The following NOS1 variants were observed in gnomAD, a reference collection of about 807,000 sequenced individuals.
NOS1 encodes the protein nitric oxide synthase 1, also known as NOS type I.
A neutral mutation model predicts 164.5 loss-of-function variants in NOS1; 51 were observed. That is an observed-to-expected ratio of 0.31 (90% confidence interval 0.25 to 0.39). The LOEUF is 0.39. Ranked by LOEUF, NOS1 falls within the 10% of genes least tolerant of loss-of-function variation. The pLI, the probability that NOS1 is intolerant of heterozygous loss-of-function variation, is 1.00. For synonymous variants in NOS1, 719 were observed against 745.8 expected (o/e 0.96, Z 0.59); for missense variants, 1,362 against 1,885.6 (o/e 0.72, Z 5.14).
chr12:117,209,819 T>C lies in NOS1; in HGVS notation c.*5490A>G. On this transcript the variant is annotated 3_prime_UTR_variant, in exon 29 of 29. Transcript: ENST00000317775. Reference sequence around the variant, plus strand: ...GCAGGGACTGGCAGTGGGCCAAGGATAGGGAGTGTGAGATAAAGGGCAGAG... The same window carrying C: ...GCAGGGACTGGCAGTGGGCCAAGGACAGGGAGTGTGAGATAAAGGGCAGAG... The C allele has an allele frequency of 1.0e-6, 1 of 985,460 alleles. No individual in the cohort carries two copies. 61.0% of individuals were successfully genotyped at this position (985,460 alleles called of 1,614,324 possible).
intron 2 of NOS1, among the ~76,000 whole-genome samples, chr12:117,325,939 G>C (rs943783644): frequency 1.3e-5 from 2 of 152,168 alleles, no homozygotes; most frequent in African/African-American, 4.8e-5. Flanking sequence ...TCATTTTATA[G>C]TTAATGGCAT....
chr12:117,270,139 G>C (rs1270863855), intron 10 of NOS1, among the ~76,000 whole-genome samples: 1 of 152,230 alleles, frequency 6.6e-6, no homozygotes. Context: ...CTGGTGTCAG[G>C]AGCAGGGAAG....
At chr12:117,285,142 G>C (rs556891815) in intron 7 of NOS1, 99 bp downstream of exon 7, 1 of 569,236 alleles carries the variant, frequency 1.8e-6, no homozygotes, top group Non-Finnish European at 3.1e-6. Flanking sequence ...CCTGAGATGA[G>C]GTGCATTTCC....
intron 17 of NOS1, among the ~76,000 whole-genome samples, chr12:117,250,735 G>C (rs1327644858): frequency 6.6e-6 from 1 of 152,112 alleles, no homozygotes; most frequent in Admixed American, 6.5e-5. Context: ...GGTGTGGACT[G>C]ACTGGAGGGG....
At position 117,215,341 on chromosome 12, in the gene NOS1, TG is replaced by T; in HGVS notation, c.4290-18del. On this transcript the variant is annotated intron_variant, in intron 28 of 28. Transcript: ENST00000317775. ...CTGAAAACCCTGTGGAAAGAGAAGTTGGGGGGCAGTTAGTGCCCCAAGGGCA... is the reference window on the plus strand; with the variant it reads ...CTGAAAACCCTGTGGAAAGAGAAGTTGGGGGCAGTTAGTGCCCCAAGGGCA... 2 of 1,528,844 alleles carry T rather than the reference TG, an allele frequency of 1.3e-6. No individual in the cohort carries two copies. Among genetic ancestry groups the T allele is most frequent in the Non-Finnish European group, 1.8e-6 (2 of 1,136,202 alleles). The allele number at this position is 1,528,844 out of a possible 1,614,324, so 94.7% of individuals were successfully genotyped here.
In NOS1 at chr12:117,209,293, G is replaced by A; in HGVS notation, c.*6016C>T. On this transcript the variant is annotated 3_prime_UTR_variant, in exon 29 of 29. Coordinates refer to ENST00000317775, the MANE Select transcript of NOS1 (RefSeq NM_000620.5). ...TTACCGTTGGCAGGACACTGCTACA[G>A]GTATCTTGTGGATGGAGGCCAGGAA... 2.1e-6 allele frequency: 2 copies of A among 958,264 alleles called. No individual in the cohort carries two copies. The highest frequency in any genetic ancestry group is 2.5e-6 in the Non-Finnish European group (2 of 805,138). 59.4% of individuals were successfully genotyped at this position (958,264 alleles called of 1,614,324 possible).
chr12:117,224,073 T>C (rs575823037), intron 25 of NOS1, among the ~76,000 whole-genome samples: 6 of 152,370 alleles, frequency 3.9e-5, no homozygotes, highest in Non-Finnish European at 7.3e-5. Context: ...AAGTACTTTA[T>C]AAATGTTAGC....
chr12:117,300,559 G>T lies in NOS1; in HGVS notation c.853-10133C>A, dbSNP rs574455795. On this transcript the variant is annotated intron_variant, in intron 3 of 28. Transcript: ENST00000317775. The stretch of plus-strand genomic sequence containing the variant: ...CAGGCGATGGCTCAGGTGGAAGGAA[G>T]GAAGATGCCTCTGGGATGGAGAGAG... Among the ~76,000 whole-genome samples, 21 of 152,270 alleles carry T rather than the reference G, an allele frequency of 1.4e-4. No homozygotes were observed. In the South Asian group the frequency reaches 4.4e-3, roughly 32 times the overall value.
chr12:117,223,974 A>C (rs541449820), intron 25 of NOS1, among the ~76,000 whole-genome samples: 5 of 152,160 alleles, frequency 3.3e-5, no homozygotes, highest in Non-Finnish European at 7.3e-5. Flanking sequence ...CAACTTTCTA[A>C]GCCTCTGCTT....
intron 2 of NOS1, among the ~76,000 whole-genome samples, chr12:117,314,725 A>G (rs1874595398): frequency 1.3e-5 from 2 of 151,520 alleles, no homozygotes; most frequent in East Asian, 2.0e-4. Context: ...TCCTGCCTCA[A>G]CCTCCCACAC....
intron 8 of NOS1, among the ~76,000 whole-genome samples, chr12:117,278,396 G>C (rs943675795): frequency 6.6e-6 from 1 of 152,194 alleles, no homozygotes; most frequent in Non-Finnish European, 1.5e-5. Context: ...ACAGGACAGA[G>C]GGCAAACCCT....
chr12:117,250,648 A>G (rs974950110), intron 17 of NOS1, among the ~76,000 whole-genome samples: 1 of 152,100 alleles, frequency 6.6e-6, no homozygotes, highest in African/African-American at 2.4e-5. Context: ...CTCTTAACCA[A>G]TGATCTTCCT....
At chr12:117,280,669 G>GGTAAAAT (rs2136010382) in intron 8 of NOS1, 56 bp downstream of exon 8, 1 of 1,435,790 alleles carries the variant, frequency 7.0e-7, no homozygotes, top group Non-Finnish European at 9.1e-7. Context: ...AAAGTCTGTG[G>GGTAAAAT]TCTGGGGACA....
At position 117,290,003 on chromosome 12, in the gene NOS1, G is replaced by A. The variant is rs572018284; in HGVS notation, c.981+295C>T. Among the ~76,000 whole-genome samples the A allele has an allele frequency of 2.3e-4, 35 of 152,214 alleles. 1 individual carries two copies. The highest frequency in any genetic ancestry group is 8.2e-4 in the African/African-American group (34 of 41,538). On this transcript the variant is annotated intron_variant, in intron 4 of 28. Transcript: ENST00000317775. ...CTGTGTTTTACTATCTGCTTTTTCT[G>A]GCTGCTTGTTGTTAGAAGGGAGGTG...
intron 18 of NOS1, among the ~76,000 whole-genome samples, chr12:117,246,385 C>T (rs1870617413): frequency 6.6e-6 from 1 of 152,096 alleles, no homozygotes; most frequent in African/African-American, 2.4e-5. Flanking sequence ...ATCCTCCTGC[C>T]CCAGCCTCCA....
At chr12:117,322,231 C>T (rs1348737212) in intron 2 of NOS1, among the ~76,000 whole-genome samples, 2 of 103,802 alleles carry the variant, frequency 1.9e-5, no homozygotes, top group Non-Finnish European at 4.6e-5. Context: ...TCCTTCCTTC[C>T]CTTCCTCCCT....
Position 117,288,209 on chromosome 12 carries a change from C to T in NOS1, c.992G>A (p.Cys331Tyr). Residue 331 changes from cysteine (C) to tyrosine (Y), a missense_variant, in exon 5 of 29, where the codon TGC becomes TAC. Transcript: ENST00000317775. ...GGAGCCCATGCAGATGTACTCAGTG[C>T]ATCCCGTTTCCTGGAAGATCAAGAG... ...LHLKSTLETG[C>Y]TEYICMGSIM... 1 of 1,612,346 alleles carries T rather than the reference C, an allele frequency of 6.2e-7. No homozygotes were observed. The highest frequency in any genetic ancestry group is 8.5e-7 in the Non-Finnish European group (1 of 1,179,352).
At chr12:117,288,320 G>T in intron 4 of NOS1, 101 bp from the exon 5 acceptor site, 1 of 1,132,184 alleles carries the variant, frequency 8.8e-7, no homozygotes, top group Non-Finnish European at 1.3e-6. Flanking sequence ...AGTTTATCTG[G>T]CCCTTAATTC....
chr12:117,346,632 A>AT (rs1876365894), intron 1 of NOS1, among the ~76,000 whole-genome samples: 2 of 152,194 alleles, frequency 1.3e-5, no homozygotes, highest in African/African-American at 4.8e-5. Context: ...ACCTGGGAGC[A>AT]TGTCAGCAAT....
Sources: allele counts gnomAD v4.1 joint callset (sites outside exome capture counted in the v4.1 genomes callset), GRCh38; gene constraint gnomAD v4.1.1; transcripts MANE v1.5; gene names NCBI Gene and HGNC (gene_info 2026-07-23, HGNC 2026-07-21).